Variants in RERE observed in about 807,000 individuals in gnomAD.
RERE encodes the protein arginine-glutamic acid dipeptide repeats.
Under a neutral mutation model 146.1 loss-of-function variants are expected in RERE, and 40 were observed. The observed-to-expected ratio is 0.27, with a 90% CI of 0.21 to 0.36. RERE has a LOEUF of 0.36. Ranked by LOEUF, RERE falls within the 10% of genes least tolerant of loss-of-function variation. RERE has a pLI of 1.00. For synonymous variants in RERE, 1,003 were observed against 866.0 expected (o/e 1.16, Z -2.78); for missense variants, 1,933 against 2,138.7 (o/e 0.90, Z 1.90).
At chr1:8,444,332 A>G (rs1222591688) in intron 11 of RERE, among the ~76,000 whole-genome samples, 4 of 152,088 alleles carry the variant, frequency 2.6e-5, no homozygotes, top group African/African-American at 9.7e-5. Context: ...TACCTTTTGG[A>G]ATGGGAATGT....
At chr1:8,707,963 CTTA>C (rs768056364) in intron 1 of RERE, among the ~76,000 whole-genome samples, 1 of 138,956 alleles carries the variant, frequency 7.2e-6, no homozygotes, top group Non-Finnish European at 1.5e-5. Context: ...TATAATTGTT[CTTA>C]TTATTGATAA....
chr1:8,683,086 T>C (rs912385339), intron 1 of RERE, among the ~76,000 whole-genome samples: 3 of 122,812 alleles, frequency 2.4e-5, no homozygotes, highest in African/African-American at 9.1e-5. Flanking sequence ...ATTAGTATAA[T>C]CATCAAGCTT....
rs11121171 is a variant in RERE at position 8,356,897 on chromosome 1, G to C, written c.4340-651C>G. The stretch of plus-strand genomic sequence containing the variant: ...TGCCACCTCCAGCCATGCTGCCCTG[G>C]GGTCCCTGGAAGATTGGGAGCCCCC... On this transcript the variant is annotated intron_variant, in intron 20 of 22. Transcript: ENST00000400908. The surrounding 1 kb of genome is among the most constrained non-coding windows in gnomAD (Gnocchi z 5.2). Among the ~76,000 whole-genome samples, 23,486 of 152,134 alleles carry C rather than the reference G, an allele frequency of 0.15. 2,129 individuals are homozygous for C. The highest frequency in any genetic ancestry group is 0.3 in the South Asian group (1,425 of 4,830).
intron 10 of RERE, among the ~76,000 whole-genome samples, chr1:8,466,836 C>A (rs1186419432): frequency 6.6e-6 from 1 of 152,150 alleles, no homozygotes; most frequent in East Asian, 1.9e-4. Flanking sequence ...ACCATGGACA[C>A]CTTCCCACCT....
intron 1 of RERE, among the ~76,000 whole-genome samples, chr1:8,702,239 T>C (rs1458719481): frequency 6.6e-6 from 1 of 152,202 alleles, no homozygotes; most frequent in East Asian, 1.9e-4. Flanking sequence ...ACAGACCATT[T>C]TTTAGATTTT....
chr1:8,813,678 C>T (rs552141391), intron 1 of RERE, among the ~76,000 whole-genome samples: 1 of 147,982 alleles, frequency 6.8e-6, no homozygotes, highest in East Asian at 2.0e-4. Context: ...ACAGTGGTGC[C>T]AATCTCAGCT....
At chr1:8,755,876 G>C (rs12568634) in intron 1 of RERE, among the ~76,000 whole-genome samples, 34,002 of 152,014 alleles carry the variant, frequency 0.22, 5,469 homozygotes, top group East Asian at 0.77. Flanking sequence ...ACCAGCCCGG[G>C]CAATATAGTG....
intron 1 of RERE, among the ~76,000 whole-genome samples, chr1:8,790,488 GT>G (rs1229401837): frequency 6.6e-6 from 1 of 152,090 alleles, no homozygotes; most frequent in Non-Finnish European, 1.5e-5. Flanking sequence ...AAGCTCCAAG[GT>G]AATCCCTGTA....
intron 1 of RERE, among the ~76,000 whole-genome samples, chr1:8,757,090 C>CAAAAAAA (rs34237128): frequency 1.7e-5 from 1 of 59,488 alleles, no homozygotes; most frequent in Admixed American, 1.7e-4. Context: ...AACTCCATCT[C>CAAAAAAA]AAAAAAAAAA....
chr1:8,368,960 G>A (rs1641923761), intron 12 of RERE, among the ~76,000 whole-genome samples: 1 of 152,138 alleles, frequency 6.6e-6, no homozygotes, highest in South Asian at 2.1e-4. Context: ...AGCTACTTGG[G>A]AGATCAAGGC....
rs1348821922 is a variant in RERE, at chr1:8,624,174, G to A, written c.396+136C>T. 3 of 679,984 alleles carry A rather than the reference G, an allele frequency of 4.4e-6. No individual in the cohort carries two copies. The African/African-American group carries it at 5.4e-5, about 12-fold the overall frequency. 42.1% of individuals were successfully genotyped at this position (679,984 alleles called of 1,614,324 possible). A position where few individuals can be genotyped will look rare whatever the true frequency, so the allele number is the denominator to read the frequency against. ...TAGTAACCCTCATTTCAGTGCTACT[G>A]CCACGAGGCAGTTAGCACTCAAAAG... On this transcript the variant is annotated intron_variant, in intron 3 of 22. Coordinates refer to ENST00000400908, the MANE Select transcript of RERE (RefSeq NM_001042681.2).
intron 1 of RERE, among the ~76,000 whole-genome samples, chr1:8,664,023 T>C (rs947998273): frequency 3.9e-5 from 6 of 152,276 alleles, no homozygotes; most frequent in South Asian, 4.1e-4. Context: ...ATGGCCCTCA[T>C]TGATCCCACT....
chr1:8,412,521 G>A (rs1643643030), intron 12 of RERE, among the ~76,000 whole-genome samples: 2 of 152,240 alleles, frequency 1.3e-5, no homozygotes, highest in Admixed American at 6.5e-5. Flanking sequence ...CATACAAAGT[G>A]TGTGTGTTCA....
chr1:8,637,423 G>C (rs949245889), intron 2 of RERE, among the ~76,000 whole-genome samples: 1 of 152,158 alleles, frequency 6.6e-6, no homozygotes, highest in Admixed American at 6.5e-5. Flanking sequence ...GGACTTGAGA[G>C]AGAATACATG....
chr1:8,690,113 G>A (rs1639178612), intron 1 of RERE, among the ~76,000 whole-genome samples: 1 of 152,184 alleles, frequency 6.6e-6, no homozygotes, highest in Non-Finnish European at 1.5e-5. Flanking sequence ...AGACTGGGTG[G>A]CTTAAACAGC....
intron 2 of RERE, among the ~76,000 whole-genome samples, chr1:8,650,364 T>C (rs1647551564): frequency 1.3e-5 from 2 of 152,348 alleles, no homozygotes; most frequent in South Asian, 4.1e-4. Context: ...TCCCTATAAT[T>C]TATACTTATT....
At chr1:8,539,097 T>C (rs1299748882) in intron 7 of RERE, among the ~76,000 whole-genome samples, 1 of 152,234 alleles carries the variant, frequency 6.6e-6, no homozygotes, top group Non-Finnish European at 1.5e-5. Flanking sequence ...AAAAGCTACT[T>C]TAGTTAATTA....
chr1:8,541,360 G>T, intron 6 of RERE, 42 bp from the exon 7 acceptor site: 1 of 1,320,202 alleles, frequency 7.6e-7, no homozygotes, highest in Non-Finnish European at 1.1e-6. Context: ...ACCCTCAACT[G>T]CTTTTGCTAA....
At chr1:8,492,789 C>G (rs1644995365) in intron 10 of RERE, among the ~76,000 whole-genome samples, 1 of 152,088 alleles carries the variant, frequency 6.6e-6, no homozygotes, top group African/African-American at 2.4e-5. Flanking sequence ...TCTATGATAT[C>G]AGCTACAGCT....
Sources: gnomAD v4.1 joint callset for allele counts (sites outside exome capture counted in the v4.1 genomes callset) on GRCh38, gnomAD v4.1.1 for gene constraint, Gnocchi (gnomAD v3.1) non-coding constraint, MANE v1.5 for transcripts, NCBI Gene and HGNC (gene_info 2026-07-23, HGNC 2026-07-21) for gene names.